The following RALGAPA2 variants were observed in gnomAD, a reference collection of about 807,000 sequenced individuals.
The protein encoded by RALGAPA2 is Ral GTPase activating protein catalytic subunit alpha 2.
RALGAPA2 carries 139 observed loss-of-function variants against 230.4 expected under a neutral mutation model. The observed-to-expected ratio is 0.60, with a 90% CI of 0.53 to 0.69. The LOEUF is 0.69. Among genes scored for constraint, RALGAPA2 ranks in the 30% least tolerant of loss-of-function variants. RALGAPA2 has a pLI of 0.00. For synonymous variants in RALGAPA2, 847 were observed against 837.8 expected (o/e 1.01, Z -0.19); for missense variants, 2,163 against 2,276.0 (o/e 0.95, Z 1.01).
At chr20:20,602,139 A>T (rs1407101922) in intron 15 of RALGAPA2, among the ~76,000 whole-genome samples, 1 of 152,202 alleles carries the variant, frequency 6.6e-6, no homozygotes, top group Non-Finnish European at 1.5e-5. Context: ...AACCTTTCTC[A>T]ATACAAGAAC....
intron 23 of RALGAPA2, among the ~76,000 whole-genome samples, chr20:20,553,689 G>T (rs1310176780): frequency 6.6e-6 from 1 of 152,202 alleles, no homozygotes; most frequent in African/African-American, 2.4e-5. Flanking sequence ...TGAGGCCACA[G>T]GAGCTGTTCT....
At chr20:20,522,162 T>C (rs1328056108) in intron 30 of RALGAPA2, among the ~76,000 whole-genome samples, 6 of 152,164 alleles carry the variant, frequency 3.9e-5, no homozygotes, top group Non-Finnish European at 7.3e-5. Context: ...TGGAAAATTA[T>C]TTGGTGTTCA....
At chr20:20,527,128 A>G (rs937469513) in intron 27 of RALGAPA2, among the ~76,000 whole-genome samples, 2 of 152,094 alleles carry the variant, frequency 1.3e-5, no homozygotes, top group Non-Finnish European at 2.9e-5. Context: ...ACCATTATCC[A>G]TATCTCATTA....
At chr20:20,595,092 T>C (rs2065412267) in intron 16 of RALGAPA2, among the ~76,000 whole-genome samples, 3 of 152,228 alleles carry the variant, frequency 2.0e-5, no homozygotes, top group African/African-American at 7.2e-5. Flanking sequence ...ATTTCATTTT[T>C]TTCCACTGAG....
chr20:20,439,557 C>A (rs1211654549), intron 37 of RALGAPA2, among the ~76,000 whole-genome samples: 1 of 152,138 alleles, frequency 6.6e-6, no homozygotes, highest in African/African-American at 2.4e-5. Context: ...AGACTAAATA[C>A]CCAACAGGAA....
intron 36 of RALGAPA2, among the ~76,000 whole-genome samples, chr20:20,492,398 T>C (rs1478244045): frequency 6.6e-6 from 1 of 152,140 alleles, no homozygotes; most frequent in Non-Finnish European, 1.5e-5. Flanking sequence ...AAAGGAATAT[T>C]CCTTAACTTC....
chr20:20,500,625 C>A lies in RALGAPA2; in HGVS notation c.5208+2726G>T, dbSNP rs1458513076. Among the ~76,000 whole-genome samples the A allele has an allele frequency of 2.0e-5, 3 of 152,156 alleles. No individual in the cohort carries two copies. The South Asian group carries it at 6.2e-4, about 32-fold the overall frequency. On this transcript the variant is annotated intron_variant, in intron 35 of 39. Transcript: ENST00000202677. ...AAGTCTTGAATCTTTTAAAGTCATC[C>A]ATGAGGGTGGGACTCTATCCAAACT...
intron 3 of RALGAPA2, among the ~76,000 whole-genome samples, chr20:20,665,041 G>A (rs1251168836): frequency 6.6e-6 from 1 of 151,924 alleles, no homozygotes; most frequent in East Asian, 1.9e-4. Flanking sequence ...ACAAGTAATA[G>A]ACTTATAATA....
intron 31 of RALGAPA2, among the ~76,000 whole-genome samples, chr20:20,515,369 T>G (rs1445995581): frequency 6.6e-6 from 1 of 152,190 alleles, no homozygotes; most frequent in Non-Finnish European, 1.5e-5. Flanking sequence ...TGTGTAGAGA[T>G]TCACACTGTG....
chr20:20,530,668 T>G (rs1419800686), intron 27 of RALGAPA2, among the ~76,000 whole-genome samples: 1 of 152,172 alleles, frequency 6.6e-6, no homozygotes. Context: ...TATAGCTGCA[T>G]GTGGCAGGGG....
At chr20:20,697,735 G>A (rs973789026) in intron 1 of RALGAPA2, among the ~76,000 whole-genome samples, 2 of 152,170 alleles carry the variant, frequency 1.3e-5, no homozygotes, top group Non-Finnish European at 2.9e-5. Context: ...GGCTGGCAAT[G>A]CTAGAGACCA....
rs1012832930 is a variant in RALGAPA2 at position 20,392,377 on chromosome 20, C to G, written c.*912G>C. The G allele has an allele frequency of 1.3e-5, 2 of 152,260 alleles. No homozygotes were observed. Among genetic ancestry groups the G allele is most frequent in the Non-Finnish European group, 2.9e-5 (2 of 68,060 alleles). 9.4% of individuals were successfully genotyped at this position (152,260 alleles called of 1,614,324 possible). Reference sequence around the variant, plus strand: ...GGAGCAGCAAAGTTGCAGCGTGAGGCTTTTGGAGGCACAAGGCCATTCGGG... The same window carrying G: ...GGAGCAGCAAAGTTGCAGCGTGAGGGTTTTGGAGGCACAAGGCCATTCGGG... On this transcript the variant is annotated 3_prime_UTR_variant, in exon 40 of 40. Coordinates refer to ENST00000202677, the MANE Select transcript of RALGAPA2 (RefSeq NM_020343.4).
rs937851639 is a variant in RALGAPA2 at position 20,585,038 on chromosome 20, A to G, written c.2440-83T>C. 3 of 766,546 alleles carry G rather than the reference A, an allele frequency of 3.9e-6. No individual in the cohort carries two copies. The African/African-American group carries it at 5.3e-5, about 14-fold the overall frequency. 47.5% of individuals were successfully genotyped at this position (766,546 alleles called of 1,614,324 possible). On this transcript the variant is annotated intron_variant, in intron 18 of 39. Transcript: ENST00000202677. Reference sequence around the variant, plus strand: ...TTAAGTTTCTAGCCCAAATTTCTAAAGAAAAAGAAACAAATAATAATAATA... The same window carrying G: ...TTAAGTTTCTAGCCCAAATTTCTAAGGAAAAAGAAACAAATAATAATAATA...
intron 37 of RALGAPA2, among the ~76,000 whole-genome samples, chr20:20,434,133 A>C (rs1164529601): frequency 6.6e-6 from 1 of 152,200 alleles, no homozygotes; most frequent in Admixed American, 6.5e-5. Context: ...AAGGTCCAGC[A>C]GTGAGGAATA....
At position 20,712,604 on chromosome 20, in the gene RALGAPA2, G is replaced by A. The variant is rs546319221; in HGVS notation, c.-124C>T. 7.8e-3 allele frequency: 8,503 copies of A among 1,092,574 alleles called. 49 individuals carry two copies. Among genetic ancestry groups the A allele is most frequent in the Non-Finnish European group, 8.8e-3 (7,868 of 890,318 alleles). 67.7% of individuals were successfully genotyped at this position (1,092,574 alleles called of 1,614,324 possible). A position where few individuals can be genotyped will look rare whatever the true frequency, so the allele number is the denominator to read the frequency against. On this transcript the variant is annotated 5_prime_UTR_variant, in exon 1 of 40. Coordinates refer to ENST00000202677, the MANE Select transcript of RALGAPA2 (RefSeq NM_020343.4). This position sits in a 1 kb window ranked among gnomAD's most constrained non-coding sequence, Gnocchi z 5.5. ...ACTCGCCGCCCCCAGCCCCGCTGCT[G>A]CCGCCGCCGCCGCCGCCGCCGCCGC...
intron 16 of RALGAPA2, among the ~76,000 whole-genome samples, chr20:20,596,847 A>G (rs1411706273): frequency 1.3e-5 from 2 of 152,192 alleles, no homozygotes; most frequent in African/African-American, 4.8e-5. Context: ...TGTCCTGTGC[A>G]TTGCAGACTA....
intron 3 of RALGAPA2, among the ~76,000 whole-genome samples, chr20:20,661,614 AAGTT>A (rs2067779879): frequency 6.6e-6 from 1 of 152,214 alleles, no homozygotes; most frequent in Non-Finnish European, 1.5e-5. Flanking sequence ...CCCAAAAACA[AAGTT>A]AGAAGAAAAG....
At chr20:20,460,702 A>C (rs2061281287) in intron 37 of RALGAPA2, among the ~76,000 whole-genome samples, 1 of 152,254 alleles carries the variant, frequency 6.6e-6, no homozygotes, top group African/African-American at 2.4e-5. Flanking sequence ...GGGGCATTTT[A>C]GTTAAACAAT....
chr20:20,519,825 G>A lies in RALGAPA2; in HGVS notation c.4084+1092C>T, dbSNP rs150027849. ...TGGGCCTAGGTTTTTAACTTGTGAA[G>A]TCCATACAATTTTCATGGATGATCT... On this transcript the variant is annotated intron_variant, in intron 31 of 39. Transcript: ENST00000202677. Among the ~76,000 whole-genome samples the A allele has an allele frequency of 1.2e-3, 176 of 152,148 alleles. 1 individual carries two copies. Among genetic ancestry groups the A allele is most frequent in the African/African-American group, 4.0e-3 (167 of 41,516 alleles).
Sources: allele counts gnomAD v4.1 joint callset (sites outside exome capture counted in the v4.1 genomes callset), GRCh38; gene constraint gnomAD v4.1.1; non-coding constraint Gnocchi (gnomAD v3.1); transcripts MANE v1.5; gene names NCBI Gene and HGNC (gene_info 2026-07-23, HGNC 2026-07-21).